The following PCDH11X variants were observed in gnomAD, a reference collection of about 807,000 sequenced individuals.
The protein encoded by PCDH11X is protocadherin 11 X-linked, also known as protocadherin-11 X-linked.
In PCDH11X, 18 loss-of-function variants were observed where a neutral mutation model predicts 53.3. The ratio of observed to expected loss-of-function variants is 0.34; its 90% CI spans 0.23 to 0.50. PCDH11X has a LOEUF of 0.50. Among genes scored for constraint, PCDH11X ranks in the 20% least tolerant of loss-of-function variants. The probability of loss-of-function intolerance (pLI) is 0.98; values close to 1 mark genes in which losing one functional copy is unlikely to be tolerated. For missense variants in PCDH11X, 570 were observed against 1,032.4 expected, an observed-to-expected ratio of 0.55 and a Z score of 6.14; for synonymous variants, 279 against 393.3, an observed-to-expected ratio of 0.71 and a Z score of 3.44.
chrX:92,266,437 A>T (rs1382162266), intron 8 of PCDH11X, among the ~76,000 whole-genome samples: 2 of 112,155 alleles, frequency 1.8e-5, no homozygotes, highest in Non-Finnish European at 3.8e-5. Flanking sequence ...TAATTTCTCA[A>T]TGATTTCTCT....
intron 9 of PCDH11X, among the ~76,000 whole-genome samples, chrX:92,455,799 G>T (rs2072897594): frequency 1.2e-5 from 1 of 83,506 alleles, no homozygotes; most frequent in African/African-American, 4.4e-5. Flanking sequence ...AAATGTATTT[G>T]TTATTCAAGA....
intron 6 of PCDH11X, among the ~76,000 whole-genome samples, chrX:92,174,028 C>T (rs2065866114): frequency 1.2e-5 from 1 of 82,284 alleles, no homozygotes; most frequent in African/African-American, 4.5e-5. Flanking sequence ...TGAGGGACAG[C>T]AATCAGAAAA....
chrX:91,957,035 C>T (rs1346422882), intron 6 of PCDH11X, among the ~76,000 whole-genome samples: 18 of 108,764 alleles, frequency 1.7e-4, no homozygotes, highest in Non-Finnish European at 2.9e-4. Flanking sequence ...CTATGCTCTG[C>T]TTAGTCTATT....
chrX:92,342,903 T>C (rs1433844125), intron 8 of PCDH11X, among the ~76,000 whole-genome samples: 1 of 112,269 alleles, frequency 8.9e-6, no homozygotes, highest in Non-Finnish European at 1.9e-5. Flanking sequence ...AAGGTAGTTA[T>C]ATTATTCCAT....
At chrX:91,987,733 G>A (rs1196272062) in intron 6 of PCDH11X, among the ~76,000 whole-genome samples, 1 of 110,264 alleles carries the variant, frequency 9.1e-6, no homozygotes, top group East Asian at 2.9e-4. Flanking sequence ...GAAACAAAAT[G>A]TTTGAAACAA....
chrX:92,186,128 T>TG (rs200720130), intron 6 of PCDH11X, among the ~76,000 whole-genome samples: 2,203 of 111,280 alleles, frequency 0.02, 48 homozygotes, highest in African/African-American at 0.068. Flanking sequence ...AACAAATGAA[T>TG]GATAAAGAAA....
chrX:91,995,654 A>G (rs2147950434), intron 6 of PCDH11X, among the ~76,000 whole-genome samples: 1 of 110,572 alleles, frequency 9.0e-6, no homozygotes, highest in East Asian at 2.9e-4. Context: ...AGAGTCTTTT[A>G]GCTATTCTGA....
intron 7 of PCDH11X, among the ~76,000 whole-genome samples, chrX:92,243,419 G>A (rs1389124487): frequency 9.1e-6 from 1 of 110,452 alleles, no homozygotes; most frequent in East Asian, 2.8e-4. Context: ...AGACATTTGT[G>A]AGAATTTATT....
At chrX:91,975,697 G>A (rs4893295) in intron 6 of PCDH11X, among the ~76,000 whole-genome samples, 15,612 of 110,242 alleles carry the variant, frequency 0.14, 1,240 homozygotes, top group East Asian at 0.37. Context: ...GGAGCCAGGT[G>A]AAGAAAGCTA....
chrX:92,221,162 C>T (rs1176705004), intron 7 of PCDH11X, among the ~76,000 whole-genome samples: 2 of 101,879 alleles, frequency 2.0e-5, no homozygotes, highest in Admixed American at 1.1e-4. Flanking sequence ...AACTAACCTG[C>T]ACATTGTGCA....
chrX:92,019,944 C>T (rs761953838), intron 6 of PCDH11X, among the ~76,000 whole-genome samples: 20 of 111,690 alleles, frequency 1.8e-4, no homozygotes, highest in Middle Eastern at 4.6e-3. Flanking sequence ...TGTGGTTTGA[C>T]GGCCCACCCA....
chrX:91,969,795 CAAA>C (rs535187943), intron 6 of PCDH11X, among the ~76,000 whole-genome samples: 2 of 72,538 alleles, frequency 2.8e-5, no homozygotes, highest in Non-Finnish European at 2.7e-5. Context: ...GCCCTTGTCT[CAAA>C]AAAAAAAAAA....
At chrX:92,575,934 T>TACACACACACACAC (rs1353338801) in intron 10 of PCDH11X, among the ~76,000 whole-genome samples, 1 of 23,578 alleles carries the variant, frequency 4.2e-5, no homozygotes, top group African/African-American at 2.3e-4. Context: ...TATATATATA[T>TACACACACACACAC]ATATATATAT....
chrX:92,221,751 T>A (rs1356537180), intron 7 of PCDH11X, among the ~76,000 whole-genome samples: 1 of 111,867 alleles, frequency 8.9e-6, no homozygotes, highest in African/African-American at 3.2e-5. Flanking sequence ...GTGAACCTTT[T>A]CACAATCTCT....
intron 4 of PCDH11X, among the ~76,000 whole-genome samples, chrX:91,817,399 C>G (rs1191162714): frequency 9.7e-6 from 1 of 102,865 alleles, no homozygotes; most frequent in East Asian, 3.1e-4. Context: ...TTCAAGAATA[C>G]ATTTTACTGT....
intron 6 of PCDH11X, among the ~76,000 whole-genome samples, chrX:91,886,305 A>G (rs1940190560): frequency 9.0e-6 from 1 of 111,364 alleles, no homozygotes; most frequent in African/African-American, 3.3e-5. Context: ...ACAAAAAGAT[A>G]GCAAATCTTA....
chrX:92,572,203 T>G (rs1286545227), intron 10 of PCDH11X, among the ~76,000 whole-genome samples: 1 of 112,238 alleles, frequency 8.9e-6, no homozygotes, highest in African/African-American at 3.2e-5. Context: ...AACTTCTTAT[T>G]GCAAATTATA....
intron 7 of PCDH11X, among the ~76,000 whole-genome samples, chrX:92,225,971 C>T (rs960721064): frequency 1.8e-5 from 2 of 111,567 alleles, no homozygotes; most frequent in Non-Finnish European, 3.8e-5. Flanking sequence ...AAAACATTAA[C>T]AATCAAAAAC....
intron 6 of PCDH11X, among the ~76,000 whole-genome samples, chrX:92,164,464 G>A (rs35471753): frequency 2.7e-5 from 3 of 112,232 alleles, no homozygotes; most frequent in Non-Finnish European, 3.8e-5. Flanking sequence ...CACTAGAAAT[G>A]ATCTGAGGTA....
Sources: allele counts gnomAD v4.1 joint callset (sites outside exome capture counted in the v4.1 genomes callset), GRCh38; gene constraint gnomAD v4.1.1; transcripts MANE v1.5; gene names NCBI Gene and HGNC (gene_info 2026-07-23, HGNC 2026-07-21).